PPP2R2C: variants seen among roughly 807,000 people sequenced by gnomAD.
PPP2R2C encodes the protein protein phosphatase 2, regulatory subunit B, gamma.
A neutral mutation model predicts 45.3 loss-of-function variants in PPP2R2C; 10 were observed. That is an observed-to-expected ratio of 0.22 (90% CI 0.14 to 0.37). PPP2R2C has a LOEUF of 0.37. Among genes scored for constraint, PPP2R2C ranks in the 10% least tolerant of loss-of-function variants. The probability of loss-of-function intolerance (pLI) is 1.00; values close to 1 mark genes in which losing one functional copy is unlikely to be tolerated. For synonymous variants in PPP2R2C, 257 were observed against 245.4 expected (o/e 1.05, Z -0.44); for missense variants, 308 against 619.7 (o/e 0.50, Z 5.34).
intron 6 of PPP2R2C, among the ~76,000 whole-genome samples, chr4:6,339,704 G>GTGGGTGGAGGTGGGAAACA (rs1733297353): frequency 1.3e-5 from 2 of 152,242 alleles, no homozygotes; most frequent in Non-Finnish European, 2.9e-5. Context: ...GGACCTGCAG[G>GTGGGTGGAGGTGGGAAACA]TGGGTGGAGG....
chr4:6,497,897 T>C (rs1401634587), intron 2 of PPP2R2C, among the ~76,000 whole-genome samples: 2 of 152,072 alleles, frequency 1.3e-5, no homozygotes, highest in African/African-American at 4.8e-5. Context: ...TGCAGGGAAA[T>C]GGAAATTAAA....
chr4:6,455,780 A>AC (rs1383990532), intron 1 of PPP2R2C, among the ~76,000 whole-genome samples: 1 of 152,086 alleles, frequency 6.6e-6, no homozygotes, highest in Admixed American at 6.5e-5. Flanking sequence ...AACCCTGAAC[A>AC]CACCACGCCG....
chr4:6,509,385 T>C (rs911470525), intron 2 of PPP2R2C, among the ~76,000 whole-genome samples: 4 of 151,390 alleles, frequency 2.6e-5, no homozygotes, highest in Non-Finnish European at 5.9e-5. Context: ...ATTTATTAGC[T>C]AAAACACAAG....
intron 2 of PPP2R2C, among the ~76,000 whole-genome samples, chr4:6,511,566 GGTGGTGATGGCGGTGGTGGT>G (rs1723500654): frequency 9.1e-6 from 1 of 110,104 alleles, no homozygotes; most frequent in Admixed American, 9.2e-5. Context: ...TGGTGGTGGT[GGTGGTGATGGCGGTGGTGGT>G]GGTGGTGGTG....
At chr4:6,426,365 C>T (rs768401895) in intron 1 of PPP2R2C, among the ~76,000 whole-genome samples, 8 of 152,208 alleles carry the variant, frequency 5.3e-5, no homozygotes, top group South Asian at 2.1e-4. Context: ...GTTTGTTCCA[C>T]GAGCACTTCC....
At position 6,471,308 on chromosome 4, in the gene PPP2R2C, C is replaced by A. The variant is rs1721869040; in HGVS notation, c.70+852G>T. The stretch of plus-strand genomic sequence containing the variant: ...CGGTCCCCATCCTCCATCGGGGTCA[C>A]TCCGCGGGCCCTGCCTGCGCACGGA... On this transcript the variant is annotated intron_variant, in intron 1 of 8. Coordinates refer to ENST00000382599, the MANE Select transcript of PPP2R2C (RefSeq NM_020416.4). This position sits in a 1 kb window ranked among gnomAD's most constrained non-coding sequence, Gnocchi z 5.6. Among the ~76,000 whole-genome samples, 1 of 152,196 alleles carries A rather than the reference C, an allele frequency of 6.6e-6. No homozygotes were observed. Among genetic ancestry groups the A allele is most frequent in the South Asian group, 2.1e-4 (1 of 4,828 alleles).
intron 1 of PPP2R2C, among the ~76,000 whole-genome samples, chr4:6,536,122 G>A (rs552160252): frequency 6.6e-6 from 1 of 152,304 alleles, no homozygotes; most frequent in South Asian, 2.1e-4. Context: ...TGAGGGTTAG[G>A]TAAATTATCA....
chr4:6,435,938 G>A (rs1406073466), intron 1 of PPP2R2C, among the ~76,000 whole-genome samples: 1 of 152,156 alleles, frequency 6.6e-6, no homozygotes, highest in African/African-American at 2.4e-5. Context: ...TTCATATATA[G>A]AAATCTTAGC....
At chr4:6,340,680 C>T (rs939548033) in intron 6 of PPP2R2C, among the ~76,000 whole-genome samples, 2 of 152,244 alleles carry the variant, frequency 1.3e-5, no homozygotes, top group East Asian at 1.9e-4. Flanking sequence ...CCAGCCAGCC[C>T]CCACTTCTAC....
At chr4:6,540,674 C>T (rs4610412) in intron 1 of PPP2R2C, among the ~76,000 whole-genome samples, 36,373 of 152,190 alleles carry the variant, frequency 0.24, 4,454 homozygotes, top group Non-Finnish European at 0.27. Flanking sequence ...GTGGCTACAC[C>T]ATTTCACGTT....
Position 6,330,851 on chromosome 4 carries a change from G to A in PPP2R2C, c.961-1498C>T, listed in dbSNP as rs962639809. Among the ~76,000 whole-genome samples the A allele has an allele frequency of 5.9e-5, 9 of 152,142 alleles. No individual in the cohort carries two copies. The highest frequency in any genetic ancestry group is 5.2e-4 in the Admixed American group (8 of 15,280). Reference sequence around the variant, plus strand: ...AGACAAGGCTACCTGACTCCCGCCTGGGGCCCTGCTCATCCCTCCCCAGCC... The same window carrying A: ...AGACAAGGCTACCTGACTCCCGCCTAGGGCCCTGCTCATCCCTCCCCAGCC... On this transcript the variant is annotated intron_variant, in intron 7 of 8. Coordinates refer to ENST00000382599, the MANE Select transcript of PPP2R2C (RefSeq NM_020416.4). This position sits in a 1 kb window ranked among gnomAD's most constrained non-coding sequence, Gnocchi z 7.0.
chr4:6,353,019 G>A (rs953450267), intron 5 of PPP2R2C, among the ~76,000 whole-genome samples: 3 of 152,108 alleles, frequency 2.0e-5, no homozygotes, highest in African/African-American at 4.8e-5. Context: ...CTGGAGCCCC[G>A]GAGCTGGAGG....
intron 8 of PPP2R2C, among the ~76,000 whole-genome samples, chr4:6,326,822 G>A (rs113880223): frequency 0.053 from 8,032 of 152,306 alleles, 282 homozygotes; most frequent in Non-Finnish European, 0.078. Context: ...AAGCCCCACG[G>A]CAGGGGCCAT....
chr4:6,432,868 T>C (rs1207157915), intron 1 of PPP2R2C, among the ~76,000 whole-genome samples: 1 of 152,176 alleles, frequency 6.6e-6, no homozygotes, highest in African/African-American at 2.4e-5. Flanking sequence ...CTTTCGCCTC[T>C]GCTACCCCTG....
At chr4:6,412,876 G>A (rs553900410) in intron 1 of PPP2R2C, among the ~76,000 whole-genome samples, 1 of 152,182 alleles carries the variant, frequency 6.6e-6, no homozygotes, top group African/African-American at 2.4e-5. Context: ...CCCCATGTGA[G>A]GACACAACAG....
chr4:6,352,661 G>A (rs1012365031), intron 5 of PPP2R2C, among the ~76,000 whole-genome samples: 1 of 152,204 alleles, frequency 6.6e-6, no homozygotes, highest in African/African-American at 2.4e-5. Flanking sequence ...GTTATGCAGA[G>A]AGGATGAAAA....
At chr4:6,413,810 G>T in intron 1 of PPP2R2C, 5 of 1,471,262 alleles carry the variant, frequency 3.4e-6, no homozygotes, top group Non-Finnish European at 4.6e-6. Flanking sequence ...GCCACAGCTA[G>T]CAGAGGACTG....
chr4:6,382,295 T>A lies in PPP2R2C; in HGVS notation c.71-1201A>T, dbSNP rs533519617. Reference sequence around the variant, plus strand: ...CGTTCTTTGCTCTCCTGGCCTGGATTCTGTAGTCTCCAAAATCTGTGATAC... The same window carrying A: ...CGTTCTTTGCTCTCCTGGCCTGGATACTGTAGTCTCCAAAATCTGTGATAC... On this transcript the variant is annotated intron_variant, in intron 1 of 8. Coordinates refer to ENST00000382599, the MANE Select transcript of PPP2R2C (RefSeq NM_020416.4). 111 of 1,276,366 alleles carry A rather than the reference T, an allele frequency of 8.7e-5. No individual in the cohort carries two copies. The East Asian group carries it at 5.4e-3, about 63-fold the overall frequency. 79.1% of individuals were successfully genotyped at this position (1,276,366 alleles called of 1,614,324 possible).
intron 2 of PPP2R2C, among the ~76,000 whole-genome samples, chr4:6,521,341 C>T (rs1481727267): frequency 6.6e-6 from 1 of 152,240 alleles, no homozygotes; most frequent in Admixed American, 6.5e-5. Flanking sequence ...ATTAGACACG[C>T]ACTCTTTACC....
Sources: allele counts gnomAD v4.1 joint callset (sites outside exome capture counted in the v4.1 genomes callset), GRCh38; gene constraint gnomAD v4.1.1; non-coding constraint Gnocchi (gnomAD v3.1); transcripts MANE v1.5; gene names NCBI Gene and HGNC (gene_info 2026-07-23, HGNC 2026-07-21).